PHACTR2: variants seen among roughly 807,000 people sequenced by gnomAD.
PHACTR2 encodes the protein chromosome 6 open reading frame 56.
A neutral mutation model predicts 76.0 loss-of-function variants in PHACTR2; 30 were observed. The ratio of observed to expected loss-of-function variants is 0.39; its 90% CI spans 0.30 to 0.54. PHACTR2 has a LOEUF of 0.54. Among genes scored for constraint, PHACTR2 ranks in the 20% least tolerant of loss-of-function variants. PHACTR2 has a pLI of 0.61. For missense variants in PHACTR2, 696 were observed against 781.1 expected (o/e 0.89, Z 1.30); for synonymous variants, 292 against 292.5 (o/e 1.00, Z 0.02).
rs557893242 is a variant in PHACTR2, at chr6:143,809,363, T to C, written c.1922+2230T>C. On this transcript the variant is annotated intron_variant, in intron 12 of 12. Transcript: ENST00000440869. This position sits in a 1 kb window ranked among gnomAD's most constrained non-coding sequence, Gnocchi z 4.2. ...GTTTTTGTGGGGGTATTTTTTGTTT[T>C]TTTGTTTGTTTGTTTGTTTGTTTTT... Among the ~76,000 whole-genome samples the C allele has an allele frequency of 6.6e-6, 1 of 152,126 alleles. No homozygotes were observed. Among genetic ancestry groups the C allele is most frequent in the South Asian group, 2.1e-4 (1 of 4,816 alleles).
At chr6:143,719,925 C>T (rs1009339757) in intron 2 of PHACTR2, among the ~76,000 whole-genome samples, 3 of 150,834 alleles carry the variant, frequency 2.0e-5, no homozygotes, top group Middle Eastern at 3.4e-3. Context: ...AATTCTCCTG[C>T]CTCAGCCTTC....
At position 143,578,009 on chromosome 6, in the gene PHACTR2, A is replaced by G. The variant is rs1775532689; in HGVS notation, c.217+40802A>G. Among the ~76,000 whole-genome samples, 2 of 152,168 alleles carry G rather than the reference A, an allele frequency of 1.3e-5. No homozygotes were observed. The highest frequency in any genetic ancestry group is 4.8e-5 in the African/African-American group (2 of 41,424). ...GATTTGTCTAAATCTGGTCCAAGAC[A>G]CTCTATCCCCCGTTCGTTTGCCAAC... On this transcript the variant is annotated intron_variant, in intron 1 of 11. Coordinates refer to the PHACTR2 transcript ENST00000367584. This position sits in a 1 kb window ranked among gnomAD's most constrained non-coding sequence, Gnocchi z 4.5.
rs142324449 is a variant in PHACTR2, at chr6:143,738,632, T to C, written c.215-10353T>C. Among the ~76,000 whole-genome samples the C allele has an allele frequency of 2.8e-3, 424 of 151,842 alleles. 1 individual carries two copies. The highest frequency in any genetic ancestry group is 9.6e-3 in the African/African-American group (398 of 41,420). On this transcript the variant is annotated intron_variant, in intron 2 of 12. Transcript: ENST00000440869. This position sits in a 1 kb window ranked among gnomAD's most constrained non-coding sequence, Gnocchi z 4.0. ...TTAGCTGGGCATGGTGGTGCATGCC[T>C]GTAGTCCCAGCTACTTAGGAGGCTA...
Position 143,774,767 on chromosome 6 carries a change from C to T in PHACTR2, c.1589+552C>T, listed in dbSNP as rs1461534011. 6.6e-6 allele frequency among the ~76,000 whole-genome samples: 1 copy of T among 152,130 alleles called. No individual in the cohort carries two copies. Among genetic ancestry groups the T allele is most frequent in the African/African-American group, 2.4e-5 (1 of 41,424 alleles). ...CTCCATCCAAGTCAGGTAGCCTTAA[C>T]CCTCATATCTGAACATCCCTCTTCC... is the stretch of plus-strand genomic sequence containing the variant. On this transcript the variant is annotated intron_variant, in intron 8 of 12. Transcript: ENST00000440869. The surrounding 1 kb of genome is among the most constrained non-coding windows in gnomAD (Gnocchi z 5.4).
chr6:143,608,374 C>T lies in PHACTR2; in HGVS notation c.13+52C>T, dbSNP rs190674878. The T allele has an allele frequency of 3.7e-5, 58 of 1,588,576 alleles. 1 individual carries two copies. In the African/African-American group the frequency reaches 4.4e-4, roughly 12 times the overall value. On this transcript the variant is annotated intron_variant, in intron 1 of 11. Transcript: ENST00000305766. The surrounding 1 kb of genome is among the most constrained non-coding windows in gnomAD (Gnocchi z 4.6). ...ATAGCTGCTGGCTTCCTTTGCAGCC[C>T]GCATCCTTTACTGCGGAAGGTTTGC...
chr6:143,561,707 G>T lies in PHACTR2; in HGVS notation c.217+24500G>T, dbSNP rs1775279297. On this transcript the variant is annotated intron_variant, in intron 1 of 11. Transcript: ENST00000367584. This position sits in a 1 kb window ranked among gnomAD's most constrained non-coding sequence, Gnocchi z 4.1. The stretch of plus-strand genomic sequence containing the variant: ...ACCTTGAATGAAAGACGTTTGAGGG[G>T]AGTGGAAGGACAGGAATGGAGACTC... 6.6e-6 allele frequency among the ~76,000 whole-genome samples: 1 copy of T among 152,210 alleles called. No individual in the cohort carries two copies. The highest frequency in any genetic ancestry group is 6.5e-5 in the Admixed American group (1 of 15,284).
intron 1 of PHACTR2, among the ~76,000 whole-genome samples, chr6:143,644,116 G>A (rs779820253): frequency 1.3e-5 from 2 of 152,138 alleles, no homozygotes; most frequent in East Asian, 1.9e-4. Flanking sequence ...CACCAGAAGC[G>A]AGGTGAAAGG....
At chr6:143,538,592 T>A (rs1282001013) in intron 1 of PHACTR2, among the ~76,000 whole-genome samples, 1 of 152,214 alleles carries the variant, frequency 6.6e-6, no homozygotes, top group Non-Finnish European at 1.5e-5. Context: ...GTTTTCAGGC[T>A]CTGTGCTCCG....
In PHACTR2 at chr6:143,684,348, T is replaced by C. The variant is rs188172287; in HGVS notation, c.46+6139T>C. 2.4e-3 allele frequency among the ~76,000 whole-genome samples: 363 copies of C among 152,256 alleles called. 4 individuals are homozygous for C. The highest frequency in any genetic ancestry group is 8.4e-3 in the African/African-American group (350 of 41,536). ...TTCTAGCCCAAGATCTAGGAGTTAT[T>C]CTTAGGTTTTCCTTTCCCCCTCCAC... is the stretch of plus-strand genomic sequence containing the variant. On this transcript the variant is annotated intron_variant, in intron 1 of 12. Transcript: ENST00000440869. The surrounding 1 kb of genome is among the most constrained non-coding windows in gnomAD (Gnocchi z 4.3).
At chr6:143,538,137 G>A (rs994292526) in intron 1 of PHACTR2, among the ~76,000 whole-genome samples, 2 of 152,230 alleles carry the variant, frequency 1.3e-5, no homozygotes, top group South Asian at 2.1e-4. Context: ...CCTCAAGCTA[G>A]CCCCTCTGCG....
chr6:143,797,589 A>G (rs1775854621), intron 11 of PHACTR2, among the ~76,000 whole-genome samples: 1 of 152,180 alleles, frequency 6.6e-6, no homozygotes, highest in African/African-American at 2.4e-5. Context: ...TGATTTTTGT[A>G]TAAGGTGTAA....
At chr6:143,677,098 C>T (rs1220032417), upstream of PHACTR2, among the ~76,000 whole-genome samples, 2 of 152,082 alleles carry the variant, frequency 1.3e-5, no homozygotes, top group African/African-American at 4.8e-5. Context: ...ATGCCTTCAG[C>T]AAAGTGCACA....
At chr6:143,559,690 C>CTTTTTTTTTTTTTTTTTTTTTTT (rs5880566) in intron 1 of PHACTR2, among the ~76,000 whole-genome samples, 2 of 31,894 alleles carry the variant, frequency 6.3e-5, no homozygotes, top group African/African-American at 1.3e-4. Context: ...TTTTTCTTTT[C>CTTTTTTTTTTTTTTTTTTTTTTT]TTTTTTTTTT....
Position 143,678,137 on chromosome 6 carries a change from G to A in PHACTR2, c.-27G>A, listed in dbSNP as rs749584533. On this transcript the variant is annotated 5_prime_UTR_variant, in exon 1 of 13. Coordinates refer to ENST00000440869, the MANE Select transcript of PHACTR2 (RefSeq NM_001100164.2). The surrounding 1 kb of genome is among the most constrained non-coding windows in gnomAD (Gnocchi z 6.2). ...GAAGGACCAAAGGAGCCGCTTGATC[G>A]CTGGACCTGGCCCTGCGACCCCAGT... 6.5e-6 allele frequency: 10 copies of A among 1,545,796 alleles called. No individual in the cohort carries two copies. The East Asian group carries it at 2.5e-4, about 38-fold the overall frequency.
At chr6:143,725,833 A>G (rs1366292086) in intron 2 of PHACTR2, among the ~76,000 whole-genome samples, 1 of 152,050 alleles carries the variant, frequency 6.6e-6, no homozygotes, top group South Asian at 2.1e-4. Flanking sequence ...AAAAAAAAAA[A>G]AAAGAATGTC....
intron 1 of PHACTR2, among the ~76,000 whole-genome samples, chr6:143,686,721 G>C (rs897733714): frequency 6.6e-6 from 1 of 151,932 alleles, no homozygotes; most frequent in Non-Finnish European, 1.5e-5. Context: ...TCCTGACCTC[G>C]TGATCCACCT....
rs1242480216 is a variant in PHACTR2, at chr6:143,757,230, A to C, written c.455-3171A>C. 6.6e-6 allele frequency among the ~76,000 whole-genome samples: 1 copy of C among 152,206 alleles called. No homozygotes were observed. Among genetic ancestry groups the C allele is most frequent in the Non-Finnish European group, 1.5e-5 (1 of 68,036 alleles). On this transcript the variant is annotated intron_variant, in intron 4 of 12. Coordinates refer to ENST00000440869, the MANE Select transcript of PHACTR2 (RefSeq NM_001100164.2). The surrounding 1 kb of genome is among the most constrained non-coding windows in gnomAD (Gnocchi z 4.2). ...AGACTCTACTAGGGGCCAGGAAAAG[A>C]GTAGTAAATGAAAAATGGCCTTTGC...
intron 1 of PHACTR2, among the ~76,000 whole-genome samples, chr6:143,579,110 C>T (rs1036762368): frequency 1.3e-5 from 2 of 152,082 alleles, no homozygotes; most frequent in African/African-American, 4.8e-5. Flanking sequence ...TGCCATGTTG[C>T]CCAGGACGGT....
At chr6:143,673,656 G>C (rs1777193571), upstream of PHACTR2, among the ~76,000 whole-genome samples, 4 of 152,054 alleles carry the variant, frequency 2.6e-5, no homozygotes, top group South Asian at 8.3e-4. Flanking sequence ...AAATGAAGTA[G>C]AGCAAAATTA....
Sources: allele counts gnomAD v4.1 joint callset (sites outside exome capture counted in the v4.1 genomes callset), GRCh38; gene constraint gnomAD v4.1.1; non-coding constraint Gnocchi (gnomAD v3.1); transcripts MANE v1.5; gene names NCBI Gene and HGNC (gene_info 2026-07-23, HGNC 2026-07-21).